Variants in NME7 observed in about 807,000 individuals in gnomAD.
NME7 encodes the protein nucleoside diphosphate kinase 7.
Under a neutral mutation model 49.1 loss-of-function variants are expected in NME7, and 41 were observed. The observed-to-expected ratio is 0.83, with a 90% CI of 0.65 to 1.08. The LOEUF (loss-of-function observed/expected upper bound fraction) is 1.08, where lower values mean the gene tolerates loss of function less well. Ranked by LOEUF, NME7 falls within the 50% of genes least tolerant of loss-of-function variation. NME7 has a pLI of 0.00. For synonymous variants in NME7, 139 were observed against 150.6 expected (o/e 0.92, Z 0.56); for missense variants, 423 against 463.4 (o/e 0.91, Z 0.80).
At chr1:169,298,839 TA>T (rs1650820480) in intron 5 of NME7, 76 bp from the exon 6 acceptor site, 3 of 1,122,192 alleles carry the variant, frequency 2.7e-6, no homozygotes, top group East Asian at 5.0e-5. Context: ...AGGATATATT[TA>T]AATTGGATTA....
chr1:169,187,852 T>C (rs989596656), intron 10 of NME7, among the ~76,000 whole-genome samples: 3 of 152,240 alleles, frequency 2.0e-5, no homozygotes, highest in African/African-American at 7.2e-5. Context: ...CAGTGGTCTT[T>C]AAAATTTGGT....
chr1:169,215,677 A>G (rs1212517366), intron 10 of NME7, among the ~76,000 whole-genome samples: 3 of 152,234 alleles, frequency 2.0e-5, no homozygotes, highest in Admixed American at 6.5e-5. Flanking sequence ...GAAGCCAGAA[A>G]ACAGTTAGTT....
At chr1:169,276,029 A>T (rs1217413034) in intron 7 of NME7, among the ~76,000 whole-genome samples, 1 of 133,784 alleles carries the variant, frequency 7.5e-6, no homozygotes, top group Admixed American at 7.3e-5. Flanking sequence ...CATCCCAGGG[A>T]TGAAGCCCAC....
intron 1 of NME7, among the ~76,000 whole-genome samples, chr1:169,325,201 G>A (rs529284956): frequency 6.6e-6 from 1 of 152,248 alleles, no homozygotes; most frequent in South Asian, 2.1e-4. Context: ...GGAAGGTTAA[G>A]TGGAATCATC....
chr1:169,353,098 T>G (rs2101977998), intron 1 of NME7, among the ~76,000 whole-genome samples: 1 of 151,662 alleles, frequency 6.6e-6, no homozygotes, highest in East Asian at 1.9e-4. Flanking sequence ...CCATCCTAAG[T>G]AAAAAGATGA....
Position 169,226,626 on chromosome 1 carries a change from C to G in NME7, c.990+4092G>C, listed in dbSNP as rs75313695. Among the ~76,000 whole-genome samples, 859 of 152,214 alleles carry G rather than the reference C, an allele frequency of 5.6e-3. 4 individuals carry two copies. Among genetic ancestry groups the G allele is most frequent in the African/African-American group, 0.02 (826 of 41,540 alleles). ...GAATGTAACTCAGGAGTCTGAGACA[C>G]AAGATAATCAGTTCTTAGAAGTATA... On this transcript the variant is annotated intron_variant, in intron 10 of 11. Coordinates refer to ENST00000367811, the MANE Select transcript of NME7 (RefSeq NM_013330.5).
intron 11 of NME7, 34 bp downstream of exon 11, chr1:169,169,413 A>G: frequency 6.4e-7 from 1 of 1,553,678 alleles, no homozygotes; most frequent in Non-Finnish European, 8.8e-7. Flanking sequence ...ATGAGCTTGA[A>G]ATATAAATAG....
At chr1:169,159,852 ACCTTTGGTTCAC>A (rs1659192080) in intron 11 of NME7, among the ~76,000 whole-genome samples, 1 of 152,066 alleles carries the variant, frequency 6.6e-6, no homozygotes, top group Non-Finnish European at 1.5e-5. Context: ...TTGCTGTCAC[ACCTTTGGTTCAC>A]AAACTTCCCT....
chr1:169,188,138 C>T (rs1660125053), intron 10 of NME7, among the ~76,000 whole-genome samples: 1 of 152,130 alleles, frequency 6.6e-6, no homozygotes, highest in Non-Finnish European at 1.5e-5. Flanking sequence ...ACAGGCTTCC[C>T]TTTGTTGGTA....
chr1:169,273,604 C>T lies in NME7; in HGVS notation c.754+13699G>A, dbSNP rs1389462044. On this transcript the variant is annotated intron_variant, in intron 7 of 11. Coordinates refer to ENST00000367811, the MANE Select transcript of NME7 (RefSeq NM_013330.5). The stretch of plus-strand genomic sequence containing the variant: ...TTAGGTATATCTCCTAATGCTATCC[C>T]TCCCCACTCCCCCTACCCCACAACA... Among the ~76,000 whole-genome samples the T allele has an allele frequency of 2.3e-5, 3 of 130,808 alleles. 1 individual carries two copies. The highest frequency in any genetic ancestry group is 5.4e-5 in the Non-Finnish European group (3 of 55,938). The allele number at this position is 130,808 out of a possible 152,430, so 85.8% of individuals were successfully genotyped here.
At chr1:169,238,303 T>C (rs893627559) in intron 7 of NME7, among the ~76,000 whole-genome samples, 3 of 152,038 alleles carry the variant, frequency 2.0e-5, no homozygotes, top group East Asian at 3.8e-4. Flanking sequence ...AGGCCTTGGA[T>C]ACCAACATGA....
chr1:169,224,385 ATAC>A (rs1661238402), intron 10 of NME7, among the ~76,000 whole-genome samples: 3 of 152,166 alleles, frequency 2.0e-5, no homozygotes, highest in African/African-American at 7.2e-5. Flanking sequence ...CTAAAACCCC[ATAC>A]TAGGTTGTCT....
chr1:169,168,807 A>G (rs982098779), intron 11 of NME7: 5 of 453,928 alleles, frequency 1.1e-5, no homozygotes, highest in African/African-American at 1.0e-4. Flanking sequence ...TGCACTCATA[A>G]TACACATTTT....
At chr1:169,301,690 T>C (rs1433164047) in intron 5 of NME7, among the ~76,000 whole-genome samples, 3 of 151,386 alleles carry the variant, frequency 2.0e-5, no homozygotes, top group Non-Finnish European at 4.4e-5. Flanking sequence ...AGTGGCAGAT[T>C]GGATAAAGAA....
chr1:169,355,102 GATATAAT>G (rs1335699512), intron 1 of NME7, among the ~76,000 whole-genome samples: 2 of 44,154 alleles, frequency 4.5e-5, no homozygotes, highest in African/African-American at 2.0e-4. Flanking sequence ...ATATATTATA[GATATAAT>G]ATATAATATA....
At chr1:169,225,265 T>G (rs187494465) in intron 10 of NME7, among the ~76,000 whole-genome samples, 3 of 152,260 alleles carry the variant, frequency 2.0e-5, no homozygotes, top group South Asian at 2.1e-4. Context: ...CCCGCCACCA[T>G]GCCTGGCTAA....
At chr1:169,364,428 TAGAGACA>T (rs1046528790) in intron 1 of NME7, among the ~76,000 whole-genome samples, 19 of 152,248 alleles carry the variant, frequency 1.2e-4, no homozygotes, top group African/African-American at 4.6e-4. Flanking sequence ...TATACTTTTT[TAGAGACA>T]AGGTCTCGCT....
rs1008619968 is a variant in NME7, at chr1:169,328,677, A to G, written c.4-4177T>C. 2.6e-5 allele frequency among the ~76,000 whole-genome samples: 4 copies of G among 152,336 alleles called. No individual in the cohort carries two copies. The East Asian group carries it at 7.7e-4, about 29-fold the overall frequency. On this transcript the variant is annotated intron_variant, in intron 1 of 11. Transcript: ENST00000367811. ...CTAGGTAAATTTTTTTGTAAAGGAT[A>G]TATCATATTAATAAATCAGAGCCAA...
At position 169,208,413 on chromosome 1, in the gene NME7, T is replaced by A. The variant is rs112565087; in HGVS notation, c.990+22305A>T. 5.5e-3 allele frequency among the ~76,000 whole-genome samples: 836 copies of A among 152,208 alleles called. 8 individuals carry two copies. Among genetic ancestry groups the A allele is most frequent in the African/African-American group, 0.019 (799 of 41,546 alleles). On this transcript the variant is annotated intron_variant, in intron 10 of 11. Transcript: ENST00000367811. ...ATGAATAAATCAGAGACAAAAATAC[T>A]TCAGGCCAACTTTACTGTGTATATT...
Sources: gnomAD v4.1 joint callset for allele counts (sites outside exome capture counted in the v4.1 genomes callset) on GRCh38, gnomAD v4.1.1 for gene constraint, MANE v1.5 for transcripts, NCBI Gene and HGNC (gene_info 2026-07-23, HGNC 2026-07-21) for gene names.